The following VAMP4 variants were observed in gnomAD, a reference collection of about 807,000 sequenced individuals.
VAMP4 encodes the protein vesicle associated membrane protein 4.
In VAMP4, 19 loss-of-function variants were observed where a neutral mutation model predicts 23.5. The ratio of observed to expected loss-of-function variants is 0.81; its 90% CI spans 0.56 to 1.19. The LOEUF is 1.19. VAMP4 is among the 50% of genes most tolerant of loss of function. VAMP4 has a pLI of 0.00. For missense variants in VAMP4, 145 were observed against 168.6 expected, an observed-to-expected ratio of 0.86 and a Z score of 0.78; for synonymous variants, 31 against 51.0, an observed-to-expected ratio of 0.61 and a Z score of 1.67.
At chr1:171,731,056 C>CAA (rs60267306) in intron 2 of VAMP4, among the ~76,000 whole-genome samples, 2 of 148,626 alleles carry the variant, frequency 1.3e-5, no homozygotes, top group Admixed American at 6.6e-5. Flanking sequence ...TACAAAAAAA[C>CAA]AAAAAAAGAA....
intron 2 of VAMP4, among the ~76,000 whole-genome samples, chr1:171,734,444 G>T (rs1655671779): frequency 6.6e-6 from 1 of 152,096 alleles, no homozygotes; most frequent in South Asian, 2.1e-4. Flanking sequence ...TAGAGGCTGA[G>T]GGGATAAAGA....
intron 4 of VAMP4, among the ~76,000 whole-genome samples, chr1:171,714,628 C>T (rs1477878637): frequency 4.6e-5 from 7 of 152,040 alleles, no homozygotes; most frequent in African/African-American, 7.2e-5. Context: ...AAAAATTAGC[C>T]GAGCATGGTG....
intron 2 of VAMP4, among the ~76,000 whole-genome samples, chr1:171,729,683 G>A (rs182388731): frequency 1.3e-5 from 2 of 152,182 alleles, no homozygotes; most frequent in East Asian, 1.9e-4. Context: ...GGTTTGAGAT[G>A]GAGTCTTGCT....
intron 4 of VAMP4, among the ~76,000 whole-genome samples, chr1:171,718,282 A>G (rs1445489463): frequency 1.3e-5 from 2 of 152,188 alleles, no homozygotes; most frequent in African/African-American, 4.8e-5. Flanking sequence ...ACCAATAACT[A>G]GATACTTCAT....
chr1:171,714,607 A>G (rs1654966011), intron 4 of VAMP4, among the ~76,000 whole-genome samples: 2 of 152,158 alleles, frequency 1.3e-5, no homozygotes, highest in African/African-American at 4.8e-5. Context: ...CCCTGTCTCT[A>G]CAAAAAATAC....
intron 3 of VAMP4, among the ~76,000 whole-genome samples, chr1:171,725,934 T>C (rs1289777465): frequency 6.6e-6 from 1 of 151,350 alleles, no homozygotes. Flanking sequence ...GTGATCCACC[T>C]GCCTCGGTCT....
intron 1 of VAMP4, 121 bp from the exon 2 acceptor site, chr1:171,738,584 T>C: frequency 4.7e-6 from 3 of 634,242 alleles, no homozygotes; most frequent in Middle Eastern, 4.3e-4. Context: ...CTTCAATTCC[T>C]GCCCTCTCAC....
intron 4 of VAMP4, among the ~76,000 whole-genome samples, chr1:171,714,694 G>A (rs543796105): frequency 6.9e-4 from 105 of 152,246 alleles, no homozygotes; most frequent in African/African-American, 2.2e-3. Context: ...ATCCTCCTCC[G>A]GGAGGTGGAG....
intron 3 of VAMP4, among the ~76,000 whole-genome samples, chr1:171,726,102 A>C (rs1177533134): frequency 6.6e-6 from 1 of 152,006 alleles, no homozygotes; most frequent in African/African-American, 2.4e-5. Flanking sequence ...CCCAAGCTGG[A>C]GTGCAGTGGT....
chr1:171,717,984 G>A (rs1195384604), intron 4 of VAMP4, among the ~76,000 whole-genome samples: 1 of 152,062 alleles, frequency 6.6e-6, no homozygotes, highest in East Asian at 1.9e-4. Context: ...GTCATACCTG[G>A]TGATACCCTG....
Position 171,703,425 on chromosome 1 carries a change from G to GTGTGTATATATA in VAMP4, c.*1080_*1081insTATATATACACA, listed in dbSNP as rs1330620854. On this transcript the variant is annotated 3_prime_UTR_variant, in exon 8 of 8. Transcript: ENST00000236192. ...TGTGTGTGTGTGTGTGTGTTTGTGT[G>GTGTGTATATATA]TATATATATATATATATATATATAT... 2 of 80,672 alleles carry GTGTGTATATATA rather than the reference G, an allele frequency of 2.5e-5. No homozygotes were observed. Among genetic ancestry groups the GTGTGTATATATA allele is most frequent in the African/African-American group, 9.5e-5 (2 of 20,962 alleles). 5.0% of individuals were successfully genotyped at this position (80,672 alleles called of 1,614,324 possible). A position where few individuals can be genotyped will look rare whatever the true frequency, so the allele number is the denominator to read the frequency against.
intron 1 of VAMP4, among the ~76,000 whole-genome samples, chr1:171,740,033 G>T (rs116100262): frequency 0.015 from 2,290 of 152,240 alleles, 54 homozygotes; most frequent in African/African-American, 0.053. Context: ...TATGTGCTAG[G>T]CACGGTGCTC....
rs1654520198 is a variant in VAMP4 at position 171,703,415 on chromosome 1, GTGTTTGTGTGTATATATATATATATATA to G, written c.*1063_*1090del. 9.9e-6 allele frequency: 1 copy of G among 101,146 alleles called. No homozygotes were observed. The highest frequency in any genetic ancestry group is 3.9e-5 in the African/African-American group (1 of 25,742). 6.3% of individuals were successfully genotyped at this position (101,146 alleles called of 1,614,324 possible). ...TGCGTGTGTGTGTGTGTGTGTGTGT[GTGTTTGTGTGTATATATATATATATATA>G]TATATATATATATATATATATATAT... On this transcript the variant is annotated 3_prime_UTR_variant, in exon 8 of 8. Coordinates refer to ENST00000236192, the MANE Select transcript of VAMP4 (RefSeq NM_003762.5).
At chr1:171,712,469 T>C (rs1046268270) in intron 4 of VAMP4, among the ~76,000 whole-genome samples, 1 of 152,196 alleles carries the variant, frequency 6.6e-6, no homozygotes, top group African/African-American at 2.4e-5. Context: ...TAGCAATTAC[T>C]AAGCTTGATG....
intron 3 of VAMP4, among the ~76,000 whole-genome samples, chr1:171,727,564 A>T (rs1458585230): frequency 1.3e-5 from 2 of 152,218 alleles, no homozygotes; most frequent in Non-Finnish European, 2.9e-5. Context: ...ACAATTGTAA[A>T]CTTACACCAA....
intron 4 of VAMP4, among the ~76,000 whole-genome samples, chr1:171,714,498 G>T (rs1415435816): frequency 6.6e-6 from 1 of 152,212 alleles, no homozygotes. Context: ...ATGGCTAGGT[G>T]TGGTGGCTCA....
chr1:171,730,931 G>A (rs751411443), intron 2 of VAMP4, among the ~76,000 whole-genome samples: 1 of 152,090 alleles, frequency 6.6e-6, no homozygotes, highest in Non-Finnish European at 1.5e-5. Context: ...TCGGCTGGGC[G>A]CAGTGGCTCA....
intron 4 of VAMP4, 89 bp downstream of exon 4, chr1:171,719,082 C>G (rs1176728906): frequency 8.9e-7 from 1 of 1,129,154 alleles, no homozygotes; most frequent in African/African-American, 1.6e-5. Flanking sequence ...AAACAGGCTG[C>G]AGCCAGATTT....
chr1:171,735,728 G>A (rs183677447), intron 2 of VAMP4, among the ~76,000 whole-genome samples: 1 of 152,270 alleles, frequency 6.6e-6, no homozygotes, highest in East Asian at 1.9e-4. Flanking sequence ...TATTCATCAG[G>A]AGCTTTCAGT....
Sources: gnomAD v4.1 joint callset for allele counts (sites outside exome capture counted in the v4.1 genomes callset) on GRCh38, gnomAD v4.1.1 for gene constraint, MANE v1.5 for transcripts, NCBI Gene and HGNC (gene_info 2026-07-23, HGNC 2026-07-21) for gene names.